Variants in CNTN5 observed in about 807,000 individuals in gnomAD.
The protein encoded by CNTN5 is contactin 5.
CNTN5 carries 77 observed loss-of-function variants against 129.1 expected under a neutral mutation model. The ratio of observed to expected loss-of-function variants is 0.60; its 90% confidence interval spans 0.50 to 0.72. The LOEUF is 0.72. Ranked by LOEUF, CNTN5 falls within the 30% of genes least tolerant of loss-of-function variation. The pLI is 0.00. For missense variants in CNTN5, 1,478 were observed against 1,328.8 expected, an observed-to-expected ratio of 1.11 and a Z score of -1.75; for synonymous variants, 509 against 465.6, an observed-to-expected ratio of 1.09 and a Z score of -1.20.
intron 3 of CNTN5, among the ~76,000 whole-genome samples, chr11:99,620,758 T>C (rs1950921296): frequency 6.6e-6 from 1 of 151,978 alleles, no homozygotes; most frequent in African/African-American, 2.4e-5. Context: ...GGTTTTCATT[T>C]TGAAAAAAAT....
chr11:99,359,865 G>A (rs766816924), intron 2 of CNTN5, among the ~76,000 whole-genome samples: 1 of 151,934 alleles, frequency 6.6e-6, no homozygotes, highest in Non-Finnish European at 1.5e-5. Context: ...GAAGAAAGGG[G>A]TAACTGAAAC....
intron 20 of CNTN5, among the ~76,000 whole-genome samples, chr11:100,300,554 T>TC (rs1266530483): frequency 1.3e-5 from 2 of 151,460 alleles, no homozygotes; most frequent in Admixed American, 1.3e-4. Context: ...AATTATTATA[T>TC]CCCCCCATGA....
At chr11:99,093,067 T>C (rs1397498245) in intron 1 of CNTN5, among the ~76,000 whole-genome samples, 1 of 152,074 alleles carries the variant, frequency 6.6e-6, no homozygotes, top group Non-Finnish European at 1.5e-5. Context: ...CTAGGACATG[T>C]AGTACATAGC....
intron 1 of CNTN5, among the ~76,000 whole-genome samples, chr11:99,323,935 CAGAG>C (rs576216350): frequency 1.3e-5 from 2 of 152,158 alleles, no homozygotes; most frequent in South Asian, 4.1e-4. Flanking sequence ...GAGGAAGAGA[CAGAG>C]GGAGGAAGCA....
chr11:100,290,186 G>A (rs1160835714), intron 18 of CNTN5, among the ~76,000 whole-genome samples: 3 of 151,550 alleles, frequency 2.0e-5, no homozygotes, highest in East Asian at 1.9e-4. Context: ...ACTGCCCAAG[G>A]TAATTTACAG....
intron 3 of CNTN5, among the ~76,000 whole-genome samples, chr11:99,695,434 CAG>C (rs1954227251): frequency 1.3e-5 from 2 of 152,106 alleles, no homozygotes; most frequent in Admixed American, 1.3e-4. Context: ...GGCTAAAACT[CAG>C]AGACATGGGA....
chr11:100,309,210 T>TA (rs1565418973), intron 21 of CNTN5: 2 of 984,884 alleles, frequency 2.0e-6, no homozygotes, highest in Admixed American at 6.2e-5. Flanking sequence ...TAGTTGCATT[T>TA]AAAAAAATTT....
chr11:100,002,215 G>C, intron 9 of CNTN5, 79 bp downstream of exon 9: 3 of 947,380 alleles, frequency 3.2e-6, no homozygotes, highest in Admixed American at 3.8e-5. Flanking sequence ...CACTTATTTT[G>C]CTAGGTGTCA....
chr11:99,263,480 A>G (rs1862740427), intron 1 of CNTN5, among the ~76,000 whole-genome samples: 1 of 152,164 alleles, frequency 6.6e-6, no homozygotes, highest in African/African-American at 2.4e-5. Flanking sequence ...GTTTTATTTA[A>G]TGATTTTTCA....
intron 3 of CNTN5, among the ~76,000 whole-genome samples, chr11:99,588,479 T>C (rs1949877654): frequency 6.6e-6 from 1 of 152,104 alleles, no homozygotes; most frequent in Non-Finnish European, 1.5e-5. Context: ...AAGAAATTGT[T>C]CATGGGTAAA....
At chr11:99,280,189 C>A (rs1361804455) in intron 1 of CNTN5, among the ~76,000 whole-genome samples, 2 of 151,440 alleles carry the variant, frequency 1.3e-5, no homozygotes, top group Admixed American at 6.6e-5. Flanking sequence ...AGAAAAAATA[C>A]TATATATTTT....
chr11:99,293,366 T>C (rs1864253277), intron 1 of CNTN5, among the ~76,000 whole-genome samples: 1 of 152,188 alleles, frequency 6.6e-6, no homozygotes, highest in Admixed American at 6.5e-5. Context: ...TCTATCTTCG[T>C]CAGGGATATT....
intron 1 of CNTN5, among the ~76,000 whole-genome samples, chr11:99,237,898 A>T (rs971028497): frequency 6.6e-6 from 1 of 152,164 alleles, no homozygotes; most frequent in African/African-American, 2.4e-5. Context: ...AAAGGCCAGG[A>T]AAAAGTCAAT....
rs528733915 is a variant in CNTN5, at chr11:99,127,873, A to G, written c.-210+106603A>G. 5.3e-5 allele frequency among the ~76,000 whole-genome samples: 8 copies of G among 152,294 alleles called. No homozygotes were observed. In the East Asian group the frequency reaches 1.2e-3, roughly 22 times the overall value. ...AACTATGTGACATGGAGTAAGATTC[A>G]ATAATTTCATTCTTATTTATCTAGC... On this transcript the variant is annotated intron_variant, in intron 1 of 24. Coordinates refer to ENST00000524871, the MANE Select transcript of CNTN5 (RefSeq NM_014361.4).
At chr11:99,055,660 G>A (rs1392557454) in intron 1 of CNTN5, among the ~76,000 whole-genome samples, 1 of 151,844 alleles carries the variant, frequency 6.6e-6, no homozygotes, top group Admixed American at 6.6e-5. Context: ...TTTAATGCTT[G>A]CCATATCCCA....
intron 3 of CNTN5, among the ~76,000 whole-genome samples, chr11:99,752,274 A>G (rs1016952487): frequency 3.3e-5 from 5 of 152,214 alleles, no homozygotes; most frequent in Admixed American, 3.3e-4. Context: ...TTCATTTAAA[A>G]TATCTTACCC....
At chr11:99,322,747 A>G (rs1037802334) in intron 1 of CNTN5, among the ~76,000 whole-genome samples, 10 of 152,210 alleles carry the variant, frequency 6.6e-5, no homozygotes, top group Admixed American at 1.3e-4. Flanking sequence ...TAAACTCTAA[A>G]AAGAAGATAC....
chr11:99,731,593 T>C (rs1365156818), intron 3 of CNTN5, among the ~76,000 whole-genome samples: 2 of 152,188 alleles, frequency 1.3e-5, no homozygotes, highest in Non-Finnish European at 2.9e-5. Flanking sequence ...TTTTTTAACA[T>C]ACAGAGTTGA....
intron 2 of CNTN5, among the ~76,000 whole-genome samples, chr11:99,471,007 C>T (rs889200384): frequency 1.3e-5 from 2 of 151,972 alleles, no homozygotes; most frequent in South Asian, 2.1e-4. Context: ...ACTTTCAGGT[C>T]TGGGTTCAAA....
Sources: allele counts gnomAD v4.1 joint callset (sites outside exome capture counted in the v4.1 genomes callset), GRCh38; gene constraint gnomAD v4.1.1; transcripts MANE v1.5; gene names NCBI Gene and HGNC (gene_info 2026-07-23, HGNC 2026-07-21).